The following APAF1 variants were observed in gnomAD, a reference collection of about 807,000 sequenced individuals.
APAF1 encodes the protein apoptotic protease-activating factor 1.
In APAF1, 91 loss-of-function variants were observed where a neutral mutation model predicts 152.4. That is an observed-to-expected ratio of 0.60 (90% CI 0.50 to 0.71). The LOEUF (loss-of-function observed/expected upper bound fraction) is 0.71. APAF1 is among the 30% of genes least tolerant of loss of function. The probability of loss-of-function intolerance (pLI) is 0.00; values close to 1 mark genes in which losing one functional copy is unlikely to be tolerated. For missense variants in APAF1, 1,283 were observed against 1,472.0 expected, an observed-to-expected ratio of 0.87 and a Z score of 2.10; for synonymous variants, 484 against 494.1, an observed-to-expected ratio of 0.98 and a Z score of 0.27.
Position 98,683,151 on chromosome 12 carries a change from T to C in APAF1, c.2055T>C (p.Asn685=), listed in dbSNP as rs1477865205. The change falls in exon 15 of 27, where the codon AAT becomes AAC. Residue 685 remains asparagine (N), a synonymous_variant. Transcript: ENST00000551964. ...CSVDKKVKIW[N]SMTGELVHTY... ...TTCTCTTTTCTCTTTAGATTTGGAATTCTATGACTGGGGAACTAGTACACA... is the reference window on the plus strand; with the variant it reads ...TTCTCTTTTCTCTTTAGATTTGGAACTCTATGACTGGGGAACTAGTACACA... 9.3e-6 allele frequency: 15 copies of C among 1,613,010 alleles called. No homozygotes were observed. Among genetic ancestry groups the C allele is most frequent in the Non-Finnish European group, 1.3e-5 (15 of 1,179,374 alleles).
intron 26 of APAF1, among the ~76,000 whole-genome samples, chr12:98,729,926 T>C (rs2097757866): frequency 1.3e-5 from 2 of 152,198 alleles, no homozygotes; most frequent in Admixed American, 1.3e-4. Flanking sequence ...GATAATACAG[T>C]AGGGAAATTA....
At chr12:98,682,297 C>T (rs975663843) in intron 14 of APAF1, among the ~76,000 whole-genome samples, 2 of 151,510 alleles carry the variant, frequency 1.3e-5, no homozygotes, top group Admixed American at 6.6e-5. Context: ...TCGTGATCTG[C>T]CCGCCTCGGC....
intron 13 of APAF1, 44 bp downstream of exon 13, chr12:98,677,595 A>G (rs1343287343): frequency 1.2e-6 from 2 of 1,613,128 alleles, no homozygotes; most frequent in Admixed American, 1.7e-5. Context: ...GCATGTATCC[A>G]GTTTTGTGCA....
rs995869705 is a variant in APAF1 at position 98,665,582 on chromosome 12, G to T, written c.985G>T (p.Ala329Ser). The change falls in exon 8 of 27, where the codon GCA (alanine) becomes TCA (serine). Residue 329 changes from alanine to serine, a missense_variant. Coordinates refer to ENST00000551964, the MANE Select transcript of APAF1 (RefSeq NM_181861.2). The stretch of plus-strand genomic sequence containing the variant: ...TCCCCTTGTAGTATCTTTAATTGGT[G>T]CACTTTTACGTGATTTTCCCAATCG... ...GSPLVVSLIG[A>S]LLRDFPNRWE... is the part of the protein sequence containing the mutation. 2.5e-6 allele frequency: 4 copies of T among 1,613,254 alleles called. No individual in the cohort carries two copies. In the East Asian group the frequency reaches 8.9e-5, roughly 36 times the overall value.
chr12:98,662,571 A>G lies in APAF1; in HGVS notation c.823+3A>G. The G allele has an allele frequency of 1.9e-6, 3 of 1,609,968 alleles. No homozygotes were observed. The highest frequency in any genetic ancestry group is 1.7e-6 in the Non-Finnish European group (2 of 1,176,442). On this transcript the variant is annotated splice_donor_region_variant and intron_variant, in intron 6 of 26. Coordinates refer to ENST00000551964, the MANE Select transcript of APAF1 (RefSeq NM_181861.2). ...GAGTGTTACAGATTCAGTAATGGGTAAGGATTATTCGTTTACTTTTTAGTA... is the reference window on the plus strand; with the variant it reads ...GAGTGTTACAGATTCAGTAATGGGTGAGGATTATTCGTTTACTTTTTAGTA...
chr12:98,678,843 CG>C (rs935779215), intron 13 of APAF1, among the ~76,000 whole-genome samples: 10 of 152,344 alleles, frequency 6.6e-5, no homozygotes, highest in African/African-American at 2.4e-4. Flanking sequence ...CCTGCCGCCT[CG>C]GCCCCCTCCG....
At chr12:98,720,548 A>G (rs912249196) in intron 22 of APAF1, among the ~76,000 whole-genome samples, 2 of 152,236 alleles carry the variant, frequency 1.3e-5, no homozygotes, top group African/African-American at 4.8e-5. Context: ...TATAGCCCTT[A>G]GGATTGTGAA....
chr12:98,661,821 G>A (rs961182143), intron 5 of APAF1, among the ~76,000 whole-genome samples: 2 of 151,608 alleles, frequency 1.3e-5, no homozygotes, highest in Admixed American at 1.3e-4. Context: ...GTATAATTAT[G>A]CTATCAGGTT....
chr12:98,720,976 GA>G (rs71436928), intron 22 of APAF1, among the ~76,000 whole-genome samples: 19,125 of 148,128 alleles, frequency 0.13, 1,572 homozygotes, highest in Non-Finnish European at 0.19. Flanking sequence ...CAAAAAAAAA[GA>G]AAAAAAAAAT....
At chr12:98,651,951 AC>A (rs1430314156) in intron 4 of APAF1, among the ~76,000 whole-genome samples, 2 of 152,074 alleles carry the variant, frequency 1.3e-5, no homozygotes, top group Non-Finnish European at 2.9e-5. Flanking sequence ...AGTAGCTGGG[AC>A]CACAGGTGCA....
intron 16 of APAF1, among the ~76,000 whole-genome samples, chr12:98,698,643 C>A (rs1238301312): frequency 6.6e-6 from 1 of 152,184 alleles, no homozygotes; most frequent in Non-Finnish European, 1.5e-5. Context: ...GCTTTGGAAG[C>A]TGACTTAAAG....
rs1459892805 is a variant in APAF1 at position 98,671,703 on chromosome 12, C to G, written c.1777C>G (p.Leu593Val). 1.2e-6 allele frequency: 2 copies of G among 1,613,884 alleles called. No individual in the cohort carries two copies. Among genetic ancestry groups the G allele is most frequent in the Admixed American group, 3.3e-5 (2 of 59,978 alleles). Residue 593 changes from leucine to valine, a missense_variant, in exon 12 of 27, where the codon CTT becomes GTT. Transcript: ENST00000551964. ...CAAGCAGGAGGTCGATAATGGAATG[C>G]TTTACCTGGAATGGATGTAAGTAGG... ...QAKQEVDNGM[L>V]YLEWINKKNI... is the part of the protein sequence containing the mutation.
chr12:98,728,226 A>C (rs1429850488), intron 26 of APAF1, among the ~76,000 whole-genome samples: 1 of 152,132 alleles, frequency 6.6e-6, no homozygotes, highest in Non-Finnish European at 1.5e-5. Context: ...TTCACAATTA[A>C]CTATGTTGGT....
chr12:98,715,494 T>G lies in APAF1; in HGVS notation c.3026T>G (p.Ile1009Ser). ...RFQHKKTVWHIQFTADEKTLI... is the reference protein window; with the variant it reads ...RFQHKKTVWHSQFTADEKTLI... ...CAGCACAAGAAAACTGTATGGCACA[T>G]CCAGTTCACAGCCGATGAGAAGACT... Residue 1009 changes from isoleucine to serine, a missense_variant, in exon 22 of 27, where the codon ATC becomes AGC. Transcript: ENST00000551964. 1 of 1,613,604 alleles carries G rather than the reference T, an allele frequency of 6.2e-7. No individual in the cohort carries two copies. Among genetic ancestry groups the G allele is most frequent in the Non-Finnish European group, 8.5e-7 (1 of 1,179,758 alleles).
Position 98,648,702 on chromosome 12 carries a change from A to G in APAF1, c.215A>G (p.Tyr72Cys), listed in dbSNP as rs2097645346. 2 of 1,613,604 alleles carry G rather than the reference A, an allele frequency of 1.2e-6. No homozygotes were observed. The highest frequency in any genetic ancestry group is 1.7e-6 in the Non-Finnish European group (2 of 1,179,554). Reference sequence around the variant, plus strand: ...GATAATGATTCCTACGTATCATTCTACAATGCTCTACTACATGAAGGATAT... The same window carrying G: ...GATAATGATTCCTACGTATCATTCTGCAATGCTCTACTACATGAAGGATAT... ...KKDNDSYVSF[Y>C]NALLHEGYKD... The change falls in exon 3 of 27, where the codon TAC becomes TGC. Residue 72 changes from tyrosine (Y) to cysteine (C), a missense_variant. Transcript: ENST00000551964.
In APAF1 at chr12:98,735,223, A is replaced by G. The variant is rs2097767789; in HGVS notation, c.*2657A>G. The G allele has an allele frequency of 2.5e-6, 1 of 399,080 alleles. No individual in the cohort carries two copies. The highest frequency in any genetic ancestry group is 4.4e-6 in the Non-Finnish European group (1 of 226,416). 24.7% of individuals were successfully genotyped at this position (399,080 alleles called of 1,614,324 possible). A position where few individuals can be genotyped will look rare whatever the true frequency, so the allele number is the denominator to read the frequency against. On this transcript the variant is annotated 3_prime_UTR_variant, in exon 27 of 27. Transcript: ENST00000551964. Reference sequence around the variant, plus strand: ...GTAGTTTGCAGATGAGCATTTCTAAAGCATTTTCCCTTGCTGTATTTTTTT... The same window carrying G: ...GTAGTTTGCAGATGAGCATTTCTAAGGCATTTTCCCTTGCTGTATTTTTTT...
At chr12:98,665,921 G>A in intron 8 of APAF1, 130 bp downstream of exon 8, 1 of 845,058 alleles carries the variant, frequency 1.2e-6, no homozygotes. Flanking sequence ...GGTGTTGGGT[G>A]TAGAAATCCC....
intron 4 of APAF1, among the ~76,000 whole-genome samples, chr12:98,652,072 C>T (rs1375677782): frequency 6.6e-6 from 1 of 152,148 alleles, no homozygotes; most frequent in African/African-American, 2.4e-5. Context: ...ACCTTGGCCT[C>T]CCAAAGTGCT....
At chr12:98,713,708 T>C (rs2153339625) in intron 21 of APAF1, among the ~76,000 whole-genome samples, 1 of 152,372 alleles carries the variant, frequency 6.6e-6, no homozygotes, top group South Asian at 2.1e-4. Context: ...TCTCACTTTT[T>C]CTCACCAGGT....
Sources: gnomAD v4.1 joint callset for allele counts (sites outside exome capture counted in the v4.1 genomes callset) on GRCh38, gnomAD v4.1.1 for gene constraint, MANE v1.5 for transcripts, NCBI Gene and HGNC (gene_info 2026-07-23, HGNC 2026-07-21) for gene names.